The following ZPBP variants were observed in gnomAD, a reference collection of about 807,000 sequenced individuals.
ZPBP encodes the protein zona pellucida-binding protein 1.
In ZPBP, 26 loss-of-function variants were observed where a neutral mutation model predicts 44.8. The ratio of observed to expected loss-of-function variants is 0.58; its 90% CI spans 0.43 to 0.81. The LOEUF is 0.81. Ranked by LOEUF, ZPBP falls within the 30% of genes least tolerant of loss-of-function variation. ZPBP has a pLI of 0.00. For synonymous variants in ZPBP, 174 were observed against 153.2 expected, an observed-to-expected ratio of 1.14 and a Z score of -1.00; for missense variants, 409 against 434.0, an observed-to-expected ratio of 0.94 and a Z score of 0.51.
At chr7:50,059,762 A>T (rs556841934) in intron 3 of ZPBP, among the ~76,000 whole-genome samples, 2 of 152,304 alleles carry the variant, frequency 1.3e-5, no homozygotes, top group African/African-American at 4.8e-5. Flanking sequence ...TGCCTACTAC[A>T]ACACAAAACA....
chr7:49,847,235 TATATA>T (rs370170654), downstream of ZPBP, among the ~76,000 whole-genome samples: 1,856 of 147,736 alleles, frequency 0.013, 40 homozygotes, highest in African/African-American at 0.043. Flanking sequence ...TAATATAATA[TATATA>T]ATATAATATA....
chr7:49,897,335 G>C (rs1228981133), intron 2 of ZPBP, among the ~76,000 whole-genome samples: 1 of 151,944 alleles, frequency 6.6e-6, no homozygotes, highest in Non-Finnish European at 1.5e-5. Flanking sequence ...CAAAACCAAA[G>C]ACAGTGAAAA....
chr7:49,843,868 A>C, the ZPBP span, among the ~76,000 whole-genome samples: 1 of 152,234 alleles, frequency 6.6e-6, no homozygotes, highest in Non-Finnish European at 1.5e-5. Flanking sequence ...ATGAATGGAA[A>C]AAAGAAGACC....
chr7:49,890,436 T>C (rs1181728439), intron 2 of ZPBP, among the ~76,000 whole-genome samples: 3 of 152,190 alleles, frequency 2.0e-5, no homozygotes, highest in African/African-American at 4.8e-5. Flanking sequence ...TTACATAATA[T>C]GCTGTTTGAC....
intron 3 of ZPBP, among the ~76,000 whole-genome samples, chr7:50,076,014 AGC>A (rs1802059670): frequency 6.6e-6 from 1 of 151,956 alleles, no homozygotes; most frequent in South Asian, 2.1e-4. Context: ...ACAAAATACT[AGC>A]AAACTGAATT....
At chr7:50,070,573 C>T (rs1801787812) in intron 3 of ZPBP, among the ~76,000 whole-genome samples, 1 of 152,210 alleles carries the variant, frequency 6.6e-6, no homozygotes, top group African/African-American at 2.4e-5. Flanking sequence ...CAACCCCGGA[C>T]AAGCCCCCAG....
chr7:49,965,316 T>C (rs375694980), intron 7 of ZPBP, among the ~76,000 whole-genome samples: 9 of 152,012 alleles, frequency 5.9e-5, no homozygotes, highest in African/African-American at 9.7e-5. Context: ...AGATATCTCA[T>C]TGGAAACAAT....
chr7:50,072,616 T>C (rs1312606334), intron 3 of ZPBP, among the ~76,000 whole-genome samples: 2 of 152,142 alleles, frequency 1.3e-5, no homozygotes, highest in African/African-American at 4.8e-5. Flanking sequence ...CCTCCAACTT[T>C]AGGTGACTCA....
chr7:50,013,653 C>A (rs570876527), intron 6 of ZPBP, among the ~76,000 whole-genome samples: 5 of 151,904 alleles, frequency 3.3e-5, no homozygotes, highest in South Asian at 2.1e-4. Context: ...CAATTAAAAT[C>A]TTTTTTTAAT....
intron 6 of ZPBP, among the ~76,000 whole-genome samples, chr7:49,990,405 A>G (rs1001750331): frequency 1.3e-5 from 2 of 152,192 alleles, no homozygotes; most frequent in African/African-American, 4.8e-5. Context: ...AGGACGGATG[A>G]AAGAAAGAGG....
rs145656532 is a variant in ZPBP at position 49,896,848 on chromosome 7, C to T, written n.509+4270G>A. ...TCAATTCATTCAATATGAAATAATTCGCTTGAGAACTATTAAGAAAATTGG... is the reference window on the plus strand; with the variant it reads ...TCAATTCATTCAATATGAAATAATTTGCTTGAGAACTATTAAGAAAATTGG... On this transcript the variant is annotated intron_variant and non_coding_transcript_variant, in intron 2 of 2. Coordinates refer to the ZPBP transcript ENST00000465922. Among the ~76,000 whole-genome samples the T allele has an allele frequency of 1.4e-3, 206 of 150,166 alleles. 4 individuals carry two copies. In the East Asian group the frequency reaches 0.033, roughly 24 times the overall value.
chr7:50,010,594 C>T (rs185883867), intron 6 of ZPBP, among the ~76,000 whole-genome samples: 1 of 152,182 alleles, frequency 6.6e-6, no homozygotes, highest in African/African-American at 2.4e-5. Flanking sequence ...GACTCAACTC[C>T]TTTTATAACA....
At chr7:50,082,358 A>G (rs1027370852) in intron 2 of ZPBP, among the ~76,000 whole-genome samples, 3 of 151,946 alleles carry the variant, frequency 2.0e-5, no homozygotes, top group African/African-American at 7.2e-5. Context: ...TAAAAATGAT[A>G]AAGTGATTAA....
intron 2 of ZPBP, among the ~76,000 whole-genome samples, chr7:49,877,184 G>A (rs979389599): frequency 5.9e-5 from 9 of 151,828 alleles, no homozygotes; most frequent in East Asian, 1.9e-4. Flanking sequence ...ATTTGGGGCC[G>A]GGCGTAATGG....
chr7:49,866,022 T>C lies in ZPBP; in HGVS notation n.510-15508A>G, dbSNP rs1790869791. 2.0e-5 allele frequency among the ~76,000 whole-genome samples: 3 copies of C among 152,348 alleles called. No homozygotes were observed. In the South Asian group the frequency reaches 6.2e-4, roughly 32 times the overall value. On this transcript the variant is annotated intron_variant and non_coding_transcript_variant, in intron 2 of 2. Coordinates refer to the ZPBP transcript ENST00000465922. ...TACCTTGCTTTTATCATTTTTTCTTTTTTTAAATTTTCTTCCTTCCTTTGA... is the reference window on the plus strand; with the variant it reads ...TACCTTGCTTTTATCATTTTTTCTTCTTTTAAATTTTCTTCCTTCCTTTGA...
chr7:49,914,316 T>C (rs1191068046), intron 1 of ZPBP: 1 of 152,242 alleles, frequency 6.6e-6, no homozygotes. Flanking sequence ...GTGTTTTCAA[T>C]GCTGTGAGAA....
chr7:49,919,988 T>C (rs947319176), intron 1 of ZPBP: 1 of 152,218 alleles, frequency 6.6e-6, no homozygotes, highest in African/African-American at 2.4e-5. Flanking sequence ...AAATTGTGCC[T>C]TCTATTGAAG....
At chr7:49,850,862 T>C (rs988325261) in intron 2 of ZPBP, among the ~76,000 whole-genome samples, 1 of 152,228 alleles carries the variant, frequency 6.6e-6, no homozygotes, top group African/African-American at 2.4e-5. Context: ...CTGGCCATAG[T>C]GGACACCGCA....
intron 7 of ZPBP, among the ~76,000 whole-genome samples, chr7:49,977,128 A>AATAAATAAATAAATAAATAAATAT (rs893295641): frequency 6.6e-6 from 1 of 151,366 alleles, no homozygotes; most frequent in African/African-American, 2.4e-5. Context: ...TAAATAAATA[A>AATAAATAAATAAATAAATAAATAT]ATAAATAGAA....
Sources: gnomAD v4.1 joint callset for allele counts (sites outside exome capture counted in the v4.1 genomes callset) on GRCh38, gnomAD v4.1.1 for gene constraint, MANE v1.5 for transcripts, NCBI Gene and HGNC (gene_info 2026-07-23, HGNC 2026-07-21) for gene names.